CD2AP: variants seen among roughly 807,000 people sequenced by gnomAD.
CD2AP encodes the protein CD2-associated protein.
In CD2AP, 46 loss-of-function variants were observed where a neutral mutation model predicts 85.1. The observed-to-expected ratio is 0.54, with a 90% confidence interval of 0.43 to 0.69. The LOEUF is 0.69. CD2AP is among the 30% of genes least tolerant of loss of function. The probability of loss-of-function intolerance (pLI) is 0.00; values close to 1 mark genes in which losing one functional copy is unlikely to be tolerated. For synonymous variants in CD2AP, 255 were observed against 252.9 expected (o/e 1.01, Z -0.08); for missense variants, 769 against 729.5 (o/e 1.05, Z -0.62).
intron 2 of CD2AP, among the ~76,000 whole-genome samples, chr6:47,529,275 G>A (rs190579975): frequency 2.5e-3 from 341 of 136,458 alleles, no homozygotes; most frequent in African/African-American, 8.2e-3. Flanking sequence ...GTGTCGTTTT[G>A]TTGTAATGTT....
rs912484843 is a variant in CD2AP at position 47,509,635 on chromosome 6, C to CT, written c.165+6202dup. The stretch of plus-strand genomic sequence containing the variant: ...CATTTTTTGTTTTATGAATTTACTT[C>CT]TTTTTTTGATCTATAATAGATTGTC... On this transcript the variant is annotated intron_variant, in intron 2 of 17. Coordinates refer to ENST00000359314, the MANE Select transcript of CD2AP (RefSeq NM_012120.3). Among the ~76,000 whole-genome samples the CT allele has an allele frequency of 3.3e-5, 5 of 152,204 alleles. No homozygotes were observed. In the East Asian group the frequency reaches 9.6e-4, roughly 29 times the overall value.
At chr6:47,597,761 G>T (rs1768989892) in intron 12 of CD2AP, among the ~76,000 whole-genome samples, 1 of 145,708 alleles carries the variant, frequency 6.9e-6, no homozygotes, top group African/African-American at 2.4e-5. Context: ...TCAACCTGGT[G>T]CTTTTGAGTA....
intron 2 of CD2AP, among the ~76,000 whole-genome samples, chr6:47,521,581 T>A (rs1458201849): frequency 6.6e-6 from 1 of 152,204 alleles, no homozygotes; most frequent in East Asian, 1.9e-4. Flanking sequence ...AATAGCTGTT[T>A]TTAAGCTGTT....
intron 17 of CD2AP, among the ~76,000 whole-genome samples, chr6:47,616,093 T>TTTTTTTTTG (rs1769578321): frequency 1.5e-5 from 1 of 68,016 alleles, no homozygotes; most frequent in African/African-American, 5.3e-5. Flanking sequence ...TTTTTTTTTT[T>TTTTTTTTTG]TTTTTTTTTT....
intron 1 of CD2AP, among the ~76,000 whole-genome samples, 164 bp downstream of exon 1, chr6:47,478,412 T>G (rs1357730322): frequency 1.3e-5 from 2 of 152,018 alleles, no homozygotes; most frequent in Admixed American, 1.3e-4. Context: ...GCCTTCCACC[T>G]TGCTCTTCTC....
At chr6:47,616,872 T>C (rs1340530242) in intron 17 of CD2AP, among the ~76,000 whole-genome samples, 2 of 152,342 alleles carry the variant, frequency 1.3e-5, no homozygotes, top group East Asian at 3.9e-4. Flanking sequence ...TCACATTTTT[T>C]ACCATTGCCA....
chr6:47,621,033 A>G (rs760077449), intron 17 of CD2AP, among the ~76,000 whole-genome samples: 2 of 152,090 alleles, frequency 1.3e-5, no homozygotes, highest in African/African-American at 2.4e-5. Flanking sequence ...GATGCCCTTT[A>G]TTTATTTCTC....
intron 2 of CD2AP, among the ~76,000 whole-genome samples, chr6:47,508,784 ATCT>A (rs1486212258): frequency 6.6e-6 from 1 of 152,080 alleles, no homozygotes; most frequent in East Asian, 1.9e-4. Flanking sequence ...ACCTCAGGTG[ATCT>A]TCTTGCCTCA....
In CD2AP at chr6:47,558,387, C is replaced by G. The variant is rs183597851; in HGVS notation, c.541+3621C>G. Among the ~76,000 whole-genome samples, 381 of 152,244 alleles carry G rather than the reference C, an allele frequency of 2.5e-3. 1 individual carries two copies. Among genetic ancestry groups the G allele is most frequent in the African/African-American group, 8.5e-3 (352 of 41,534 alleles). The stretch of plus-strand genomic sequence containing the variant: ...GAATAGGAGTGATGAGAGAGGACAT[C>G]CTTGTCTTGTGCCGGTTTTCACAGG... On this transcript the variant is annotated intron_variant, in intron 5 of 17. Coordinates refer to ENST00000359314, the MANE Select transcript of CD2AP (RefSeq NM_012120.3).
chr6:47,549,488 C>T (rs1353254322), intron 4 of CD2AP, among the ~76,000 whole-genome samples: 1 of 143,840 alleles, frequency 7.0e-6, no homozygotes, highest in East Asian at 2.0e-4. Flanking sequence ...AAATAAGATG[C>T]TTAGGAATAT....
chr6:47,529,643 C>A (rs1414307860), intron 2 of CD2AP, among the ~76,000 whole-genome samples: 3 of 152,110 alleles, frequency 2.0e-5, no homozygotes, highest in East Asian at 3.9e-4. Context: ...GTGTTTTGAT[C>A]TTTATTTATA....
rs1767291507 is a variant in CD2AP at position 47,543,654 on chromosome 6, T to A, written c.320-952T>A. Among the ~76,000 whole-genome samples the A allele has an allele frequency of 4.6e-5, 7 of 152,186 alleles. 1 individual carries two copies. The highest frequency in any genetic ancestry group is 3.3e-4 in the Admixed American group (5 of 15,286). ...TGGGGAGGGCAATGGTGGGCTGATGTCTCTTCCTCTTTTGTAAGGATACTA... is the reference window on the plus strand; with the variant it reads ...TGGGGAGGGCAATGGTGGGCTGATGACTCTTCCTCTTTTGTAAGGATACTA... On this transcript the variant is annotated intron_variant, in intron 3 of 17. Coordinates refer to ENST00000359314, the MANE Select transcript of CD2AP (RefSeq NM_012120.3).
At chr6:47,485,514 A>C (rs1422174935) in intron 1 of CD2AP, among the ~76,000 whole-genome samples, 1 of 152,212 alleles carries the variant, frequency 6.6e-6, no homozygotes, top group Non-Finnish European at 1.5e-5. Flanking sequence ...AAAGTTAAAA[A>C]ATTTATAAAG....
chr6:47,573,926 G>T, intron 5 of CD2AP, 138 bp from the exon 6 acceptor site: 1 of 733,376 alleles, frequency 1.4e-6, no homozygotes, highest in South Asian at 1.6e-5. Context: ...TGCTCTTCTG[G>T]ATATTTCAGT....
intron 3 of CD2AP, among the ~76,000 whole-genome samples, chr6:47,538,741 T>A (rs779329962): frequency 6.6e-6 from 1 of 152,186 alleles, no homozygotes; most frequent in Non-Finnish European, 1.5e-5. Flanking sequence ...ATGGAAACAT[T>A]AAAAACAGTC....
intron 5 of CD2AP, among the ~76,000 whole-genome samples, chr6:47,570,521 TCTCCTTG>T (rs1368500637): frequency 1.9e-5 from 2 of 106,478 alleles, no homozygotes; most frequent in South Asian, 4.0e-4. Context: ...CTTTTTCCTT[TCTCCTTG>T]CTCCTTATCC....
At chr6:47,517,287 T>C (rs976466073) in intron 2 of CD2AP, among the ~76,000 whole-genome samples, 3 of 150,098 alleles carry the variant, frequency 2.0e-5, no homozygotes, top group African/African-American at 4.9e-5. Flanking sequence ...TAAACTTCTT[T>C]TTTTTTTTTT....
chr6:47,498,274 C>T (rs1765917333), intron 1 of CD2AP, among the ~76,000 whole-genome samples: 1 of 152,066 alleles, frequency 6.6e-6, no homozygotes, highest in Admixed American at 6.5e-5. Flanking sequence ...TTTAATTTTT[C>T]TTTTTCTAGA....
chr6:47,518,220 A>G (rs1582505416), intron 2 of CD2AP, among the ~76,000 whole-genome samples: 1 of 152,342 alleles, frequency 6.6e-6, no homozygotes, highest in South Asian at 2.1e-4. Flanking sequence ...ATACTGAGTT[A>G]TGATTTACAG....
Sources: allele counts gnomAD v4.1 joint callset (sites outside exome capture counted in the v4.1 genomes callset), GRCh38; gene constraint gnomAD v4.1.1; transcripts MANE v1.5; gene names NCBI Gene and HGNC (gene_info 2026-07-23, HGNC 2026-07-21).